Variants in PMEPA1 observed in about 807,000 individuals in gnomAD.
PMEPA1 encodes protein TMEPAI.
PMEPA1 carries 11 observed loss-of-function variants against 23.0 expected under a neutral mutation model. The observed-to-expected ratio is 0.48, with a 90% CI of 0.30 to 0.79. PMEPA1 has a LOEUF of 0.79. Ranked by LOEUF, PMEPA1 falls within the 30% of genes least tolerant of loss-of-function variation. The pLI, the probability that PMEPA1 is intolerant of heterozygous loss-of-function variation, is 0.06. For synonymous variants in PMEPA1, 204 were observed against 166.4 expected (o/e 1.23, Z -1.74); for missense variants, 377 against 390.9 (o/e 0.96, Z 0.30).
In PMEPA1 at chr20:57,652,721, A is replaced by G. The variant is rs2071268239; in HGVS notation, c.319-123T>C. 2 of 940,750 alleles carry G rather than the reference A, an allele frequency of 2.1e-6. No homozygotes were observed. Among genetic ancestry groups the G allele is most frequent in the Non-Finnish European group, 3.1e-6 (2 of 648,646 alleles). The allele number at this position is 940,750 out of a possible 1,614,324, so 58.3% of individuals were successfully genotyped here. Reference sequence around the variant, plus strand: ...TCTCTGGGGAAAGGGAGAGGGCAGCAGGGCTGGCGGGGGCGGGAGCCCAGA... The same window carrying G: ...TCTCTGGGGAAAGGGAGAGGGCAGCGGGGCTGGCGGGGGCGGGAGCCCAGA... On this transcript the variant is annotated intron_variant, in intron 3 of 3. Coordinates refer to ENST00000341744, the MANE Select transcript of PMEPA1 (RefSeq NM_020182.5). This position sits in a 1 kb window ranked among gnomAD's most constrained non-coding sequence, Gnocchi z 6.1.
At chr20:57,685,239 G>C (rs1382822732) in intron 1 of PMEPA1, among the ~76,000 whole-genome samples, 1 of 152,210 alleles carries the variant, frequency 6.6e-6, no homozygotes, top group African/African-American at 2.4e-5. Context: ...GCAACCTCCA[G>C]CTAACTGCCC....
Position 57,652,964 on chromosome 20 carries a change from T to A in PMEPA1, c.318+69A>T, listed in dbSNP as rs2071274287. 1 of 1,337,796 alleles carries A rather than the reference T, an allele frequency of 7.5e-7. No homozygotes were observed. The highest frequency in any genetic ancestry group is 1.4e-5 in the African/African-American group (1 of 69,288). The allele number at this position is 1,337,796 out of a possible 1,614,324, so 82.9% of individuals were successfully genotyped here. A position where few individuals can be genotyped will look rare whatever the true frequency, so the allele number is the denominator to read the frequency against. On this transcript the variant is annotated intron_variant, in intron 3 of 3. Transcript: ENST00000341744. The surrounding 1 kb of genome is among the most constrained non-coding windows in gnomAD (Gnocchi z 6.1). ...GGTGAGCCTTTAGCAGCCCACACTG[T>A]TCCAGCCGCAGCGGGAGCAGCCCAG...
chr20:57,708,229 G>C (rs1283057601), intron 1 of PMEPA1, among the ~76,000 whole-genome samples: 1 of 152,248 alleles, frequency 6.6e-6, no homozygotes, highest in African/African-American at 2.4e-5. Flanking sequence ...CCGGGCCCCA[G>C]CTAGGGGCAG....
At chr20:57,661,129 GTTTT>G (rs111338125) in intron 1 of PMEPA1, among the ~76,000 whole-genome samples, 2 of 152,312 alleles carry the variant, frequency 1.3e-5, no homozygotes, top group South Asian at 2.1e-4. Context: ...CTAAGGTTGG[GTTTT>G]TTTGTTTTTT....
intron 1 of PMEPA1, among the ~76,000 whole-genome samples, chr20:57,660,069 T>C (rs940052100): frequency 6.6e-6 from 1 of 152,154 alleles, no homozygotes; most frequent in Non-Finnish European, 1.5e-5. Flanking sequence ...GTGAGCTGAC[T>C]GGCAGAAAGG....
intron 1 of PMEPA1, chr20:57,690,735 G>C: frequency 2.7e-6 from 1 of 375,704 alleles, no homozygotes; most frequent in Non-Finnish European, 4.5e-6. Context: ...ACGCCCAGCC[G>C]ACCCCCACCT....
chr20:57,677,419 G>A (rs1451919624), intron 1 of PMEPA1, among the ~76,000 whole-genome samples: 2 of 152,184 alleles, frequency 1.3e-5, no homozygotes, highest in African/African-American at 4.8e-5. Context: ...CACCTCACCA[G>A]CAAGAAAGCG....
chr20:57,658,587 T>TA (rs1039867561), intron 2 of PMEPA1, among the ~76,000 whole-genome samples: 1 of 152,180 alleles, frequency 6.6e-6, no homozygotes, highest in East Asian at 1.9e-4. Flanking sequence ...TGCTCTGTGC[T>TA]AAAGCCCTGA....
Position 57,684,650 on chromosome 20 carries a change from A to G in PMEPA1, c.109+24824T>C, listed in dbSNP as rs559016009. ...TTTTTCACTGCGGTAACAATGACCT[A>G]GTCGCTATGGCAATGAGGTTAATTA... On this transcript the variant is annotated intron_variant, in intron 1 of 3. Transcript: ENST00000341744. Among the ~76,000 whole-genome samples the G allele has an allele frequency of 7.9e-4, 120 of 152,350 alleles. 1 individual carries two copies. The highest frequency in any genetic ancestry group is 9.4e-4 in the Non-Finnish European group (64 of 68,028).
intron 1 of PMEPA1, among the ~76,000 whole-genome samples, chr20:57,699,401 G>A (rs533230480): frequency 5.1e-4 from 78 of 152,348 alleles, no homozygotes; most frequent in African/African-American, 1.6e-3. Context: ...CCTCCGTGCA[G>A]TAATTATAAA....
At chr20:57,693,624 T>C (rs1351981532) in intron 1 of PMEPA1, among the ~76,000 whole-genome samples, 2 of 152,210 alleles carry the variant, frequency 1.3e-5, no homozygotes, top group African/African-American at 2.4e-5. Flanking sequence ...AAAAGGTACA[T>C]GAGGAGGCTA....
Position 57,709,979 on chromosome 20 carries a change from T to C in PMEPA1, c.-397A>G, listed in dbSNP as rs2072150007. 10 of 991,646 alleles carry C rather than the reference T, an allele frequency of 1.0e-5. No homozygotes were observed. The highest frequency in any genetic ancestry group is 5.1e-4 in the Middle Eastern group (1 of 1,950). 61.4% of individuals were successfully genotyped at this position (991,646 alleles called of 1,614,324 possible). On this transcript the variant is annotated 5_prime_UTR_variant, in exon 1 of 4. Coordinates refer to ENST00000341744, the MANE Select transcript of PMEPA1 (RefSeq NM_020182.5). Reference sequence around the variant, plus strand: ...CAAGTCCAAGGAGATCGGGTTTCGCTCCGAGACCGCGGTCGGAGGCAGGCA... The same window carrying C: ...CAAGTCCAAGGAGATCGGGTTTCGCCCCGAGACCGCGGTCGGAGGCAGGCA...
At chr20:57,654,513 G>A (rs527987591) in intron 2 of PMEPA1, among the ~76,000 whole-genome samples, 1 of 152,202 alleles carries the variant, frequency 6.6e-6, no homozygotes, top group Admixed American at 6.5e-5. Context: ...TACCCCTTAA[G>A]GAGGTCTTAA....
Position 57,709,467 on chromosome 20 carries a change from C to A in PMEPA1, c.109+7G>T. ...GTCTCCGGGGAGGGGGGCGTGGGGT[C>A]ACTCACTGATCTCCATGCTCTGGAA... On this transcript the variant is annotated splice_region_variant and intron_variant, in intron 1 of 3. Transcript: ENST00000341744. 2 of 1,115,924 alleles carry A rather than the reference C, an allele frequency of 1.8e-6. No individual in the cohort carries two copies. The highest frequency in any genetic ancestry group is 2.2e-6 in the Non-Finnish European group (2 of 895,728). The allele number at this position is 1,115,924 out of a possible 1,614,324, so 69.1% of individuals were successfully genotyped here. A position where few individuals can be genotyped will look rare whatever the true frequency, so the allele number is the denominator to read the frequency against.
rs899091252 is a variant in PMEPA1 at position 57,709,823 on chromosome 20, C to T, written c.-241G>A. 28 of 985,312 alleles carry T rather than the reference C, an allele frequency of 2.8e-5. No individual in the cohort carries two copies. Among genetic ancestry groups the T allele is most frequent in the Non-Finnish European group, 3.3e-5 (27 of 830,360 alleles). 61.0% of individuals were successfully genotyped at this position (985,312 alleles called of 1,614,324 possible). ...GGCAGCCCCGGGGGCGTCGGCAGTG[C>T]CCGCGGGTGGCGTCCGGAAAATGGG... On this transcript the variant is annotated 5_prime_UTR_variant, in exon 1 of 4. Transcript: ENST00000341744.
At chr20:57,668,092 G>A (rs2071519164) in intron 1 of PMEPA1, among the ~76,000 whole-genome samples, 1 of 152,296 alleles carries the variant, frequency 6.6e-6, no homozygotes, top group East Asian at 1.9e-4. Context: ...CAGAGTGCTT[G>A]CTTTGTGGCA....
chr20:57,680,859 C>T (rs1269923528), intron 1 of PMEPA1, among the ~76,000 whole-genome samples: 1 of 152,188 alleles, frequency 6.6e-6, no homozygotes, highest in Non-Finnish European at 1.5e-5. Context: ...ACAGGAGGCA[C>T]TTCGTAAATG....
intron 1 of PMEPA1, among the ~76,000 whole-genome samples, chr20:57,680,935 AG>A (rs1366362022): frequency 6.6e-6 from 1 of 152,214 alleles, no homozygotes; most frequent in East Asian, 1.9e-4. Flanking sequence ...ACGTAAGCAC[AG>A]GTCCTTCTCT....
intron 1 of PMEPA1, among the ~76,000 whole-genome samples, chr20:57,666,499 G>A (rs2071494462): frequency 6.6e-6 from 1 of 152,198 alleles, no homozygotes; most frequent in African/African-American, 2.4e-5. Flanking sequence ...TCAGAAATGA[G>A]TTCCTCTGAC....
Sources: allele counts gnomAD v4.1 joint callset (sites outside exome capture counted in the v4.1 genomes callset), GRCh38; gene constraint gnomAD v4.1.1; non-coding constraint Gnocchi (gnomAD v3.1); transcripts MANE v1.5; gene names NCBI Gene and HGNC (gene_info 2026-07-23, HGNC 2026-07-21).